AGBL4: variants seen among roughly 807,000 people sequenced by gnomAD.
AGBL4 encodes cytosolic carboxypeptidase 6.
Under a neutral mutation model 66.4 loss-of-function variants are expected in AGBL4, and 58 were observed. That is an observed-to-expected ratio of 0.87 (90% CI 0.71 to 1.09). The LOEUF is 1.09. Among genes scored for constraint, AGBL4 ranks in the 50% least tolerant of loss-of-function variants. The pLI, the probability that AGBL4 is intolerant of heterozygous loss-of-function variation, is 0.00. For synonymous variants in AGBL4, 234 were observed against 222.9 expected (o/e 1.05, Z -0.44); for missense variants, 579 against 631.0 (o/e 0.92, Z 0.88).
At chr1:48,867,137 G>A in intron 6 of AGBL4, 54 bp downstream of exon 6, 1 of 1,580,264 alleles carries the variant, frequency 6.3e-7, no homozygotes. Context: ...AGGCAACAAG[G>A]CATCATTCAA....
intron 11 of AGBL4, among the ~76,000 whole-genome samples, chr1:48,544,664 C>T (rs2148270943): frequency 6.6e-6 from 1 of 152,238 alleles, no homozygotes; most frequent in South Asian, 2.1e-4. Context: ...TACTTGCTTG[C>T]TGAAATTCTC....
At chr1:49,744,010 A>G (rs1571463403) in intron 2 of AGBL4, among the ~76,000 whole-genome samples, 1 of 152,202 alleles carries the variant, frequency 6.6e-6, no homozygotes, top group East Asian at 1.9e-4. Flanking sequence ...CATATGTAAC[A>G]AATCTGCACG....
chr1:49,105,324 A>G (rs1645272830), intron 4 of AGBL4, among the ~76,000 whole-genome samples: 1 of 152,148 alleles, frequency 6.6e-6, no homozygotes, highest in Non-Finnish European at 1.5e-5. Flanking sequence ...AACAGGACAC[A>G]GGGATTATTT....
chr1:49,032,683 T>G (rs946002951), intron 5 of AGBL4, among the ~76,000 whole-genome samples: 1 of 152,132 alleles, frequency 6.6e-6, no homozygotes, highest in Non-Finnish European at 1.5e-5. Context: ...ACCTCATATG[T>G]TGTAACCCTT....
At chr1:49,685,681 G>T (rs1456594278) in intron 3 of AGBL4, among the ~76,000 whole-genome samples, 1 of 152,108 alleles carries the variant, frequency 6.6e-6, no homozygotes, top group Non-Finnish European at 1.5e-5. Flanking sequence ...TCATAAGCTT[G>T]TTGGCCCTTT....
At chr1:49,076,239 T>C (rs1195034903) in intron 4 of AGBL4, among the ~76,000 whole-genome samples, 1 of 152,158 alleles carries the variant, frequency 6.6e-6, no homozygotes, top group African/African-American at 2.4e-5. Context: ...TATCAAAAAT[T>C]GCAGACGCTC....
chr1:49,358,623 G>A (rs996441152), intron 3 of AGBL4, among the ~76,000 whole-genome samples: 9 of 151,946 alleles, frequency 5.9e-5, no homozygotes, highest in Admixed American at 2.0e-4. Flanking sequence ...GAAACAGTTC[G>A]TTTGATTATT....
chr1:49,650,728 G>A (rs1571250009), intron 3 of AGBL4, among the ~76,000 whole-genome samples: 1 of 152,202 alleles, frequency 6.6e-6, no homozygotes, highest in East Asian at 1.9e-4. Context: ...CTAGGAGATG[G>A]AGGAGCACAG....
intron 5 of AGBL4, among the ~76,000 whole-genome samples, chr1:48,927,405 A>G (rs969060665): frequency 1.3e-5 from 2 of 152,100 alleles, no homozygotes; most frequent in Non-Finnish European, 2.9e-5. Context: ...GAACATGGGG[A>G]AGACCAACCC....
At chr1:49,074,481 G>A (rs1276172126) in intron 4 of AGBL4, among the ~76,000 whole-genome samples, 8 of 152,132 alleles carry the variant, frequency 5.3e-5, no homozygotes, top group East Asian at 3.9e-4. Context: ...CATCAATCTC[G>A]CTGGGAGCTG....
intron 3 of AGBL4, among the ~76,000 whole-genome samples, chr1:49,686,894 T>C (rs1003218613): frequency 4.5e-4 from 69 of 152,172 alleles, no homozygotes; most frequent in African/African-American, 1.6e-3. Flanking sequence ...CCTGGCAGTC[T>C]GACTCCAAAG....
chr1:49,102,219 A>T (rs1028438754), intron 4 of AGBL4, among the ~76,000 whole-genome samples: 4 of 152,150 alleles, frequency 2.6e-5, no homozygotes, highest in African/African-American at 9.7e-5. Flanking sequence ...TGGATCCAAA[A>T]TTCCCATGGC....
chr1:49,159,429 T>A (rs1025240012), intron 4 of AGBL4, among the ~76,000 whole-genome samples: 10 of 152,204 alleles, frequency 6.6e-5, no homozygotes, highest in Non-Finnish European at 1.5e-5. Flanking sequence ...TGCAGAGAGA[T>A]CTGCTGTTAG....
intron 2 of AGBL4, among the ~76,000 whole-genome samples, chr1:49,833,743 C>A (rs1438919718): frequency 3.9e-5 from 6 of 152,088 alleles, no homozygotes. Context: ...GTATTTTATT[C>A]TCTTTGAAGC....
intron 11 of AGBL4, among the ~76,000 whole-genome samples, chr1:48,544,597 G>T (rs1644129168): frequency 6.6e-6 from 1 of 152,172 alleles, no homozygotes; most frequent in South Asian, 2.1e-4. Context: ...TGGCAGAAGT[G>T]AGAGAAGTGA....
chr1:48,565,436 G>A (rs1471300906), intron 11 of AGBL4, among the ~76,000 whole-genome samples: 1 of 152,188 alleles, frequency 6.6e-6, no homozygotes, highest in Non-Finnish European at 1.5e-5. Flanking sequence ...AGACATGACT[G>A]GGTCTCCTTG....
intron 3 of AGBL4, among the ~76,000 whole-genome samples, chr1:49,631,817 C>G (rs1324844657): frequency 6.6e-6 from 1 of 152,164 alleles, no homozygotes; most frequent in Non-Finnish European, 1.5e-5. Context: ...AAGAGAGTTA[C>G]ATCAAATCAA....
chr1:49,107,096 G>A (rs1412899069), intron 4 of AGBL4, among the ~76,000 whole-genome samples: 1 of 152,058 alleles, frequency 6.6e-6, no homozygotes, highest in Non-Finnish European at 1.5e-5. Flanking sequence ...AAGGAAAGTG[G>A]GAGAAATGAA....
chr1:49,282,544 C>G lies in AGBL4; in HGVS notation c.283-36680G>C, dbSNP rs534013383. Among the ~76,000 whole-genome samples the G allele has an allele frequency of 1.2e-3, 189 of 152,286 alleles. 2 individuals are homozygous for G. The highest frequency in any genetic ancestry group is 1.8e-3 in the Non-Finnish European group (123 of 68,016). On this transcript the variant is annotated intron_variant, in intron 3 of 13. Transcript: ENST00000371839. ...CAAGATGGCCGAATAGGAACAGCTCCGGTCTACAGCTCCCAGCGTGAGCGA... is the reference window on the plus strand; with the variant it reads ...CAAGATGGCCGAATAGGAACAGCTCGGGTCTACAGCTCCCAGCGTGAGCGA...
Sources: allele counts gnomAD v4.1 joint callset (sites outside exome capture counted in the v4.1 genomes callset), GRCh38; gene constraint gnomAD v4.1.1; transcripts MANE v1.5; gene names NCBI Gene and HGNC (gene_info 2026-07-23, HGNC 2026-07-21).